The following DSG4 variants were observed in gnomAD, a reference collection of about 807,000 sequenced individuals.
DSG4 encodes desmoglein-4.
In DSG4, 87 loss-of-function variants were observed where a neutral mutation model predicts 93.1. The ratio of observed to expected loss-of-function variants is 0.93; its 90% CI spans 0.79 to 1.12. The LOEUF is 1.12. Ranked by LOEUF, DSG4 falls within the 50% of genes most tolerant of loss-of-function variation. The pLI, the probability that DSG4 is intolerant of heterozygous loss-of-function variation, is 0.00. For synonymous variants in DSG4, 432 were observed against 452.9 expected, an observed-to-expected ratio of 0.95 and a Z score of 0.59; for missense variants, 1,373 against 1,285.7, an observed-to-expected ratio of 1.07 and a Z score of -1.04.
chr18:31,396,238 A>G (rs1376927985), intron 8 of DSG4, among the ~76,000 whole-genome samples: 2 of 152,110 alleles, frequency 1.3e-5, no homozygotes, highest in Non-Finnish European at 2.9e-5. Flanking sequence ...TAATAATTCT[A>G]ACATTTATTA....
intron 12 of DSG4, among the ~76,000 whole-genome samples, chr18:31,406,638 C>G (rs775570938): frequency 6.6e-6 from 1 of 152,116 alleles, no homozygotes; most frequent in Non-Finnish European, 1.5e-5. Flanking sequence ...CAAAACAAAT[C>G]CCATCATGGA....
intron 8 of DSG4, among the ~76,000 whole-genome samples, chr18:31,395,783 T>A (rs2072298807): frequency 6.6e-6 from 1 of 152,100 alleles, no homozygotes. Flanking sequence ...GGAGGGTCAC[T>A]TGAGTCCAGG....
intron 14 of DSG4, among the ~76,000 whole-genome samples, chr18:31,410,495 AATT>A (rs2072475246): frequency 6.9e-6 from 1 of 145,194 alleles, no homozygotes; most frequent in Non-Finnish European, 1.5e-5. Context: ...GCACTGTAGT[AATT>A]ATTTATAATA....
Position 31,379,714 on chromosome 18 carries a change from T to C in DSG4, c.48+2755T>C, listed in dbSNP as rs2144155891. Among the ~76,000 whole-genome samples the C allele has an allele frequency of 2.0e-5, 3 of 152,338 alleles. 1 individual carries two copies. In the South Asian group the frequency reaches 6.2e-4, roughly 32 times the overall value. On this transcript the variant is annotated intron_variant, in intron 1 of 15. Coordinates refer to ENST00000308128, the MANE Select transcript of DSG4 (RefSeq NM_177986.5). Reference sequence around the variant, plus strand: ...CAAGTTGAGAGCAGGCATCAAAATTTGAAAACATATTTAAAATTAACTTAG... The same window carrying C: ...CAAGTTGAGAGCAGGCATCAAAATTCGAAAACATATTTAAAATTAACTTAG...
At chr18:31,391,034 C>T (rs942627323) in intron 6 of DSG4, 44 bp from the exon 7 acceptor site, 5 of 1,611,114 alleles carry the variant, frequency 3.1e-6, no homozygotes, top group Middle Eastern at 1.6e-4. Flanking sequence ...GGATTCTATT[C>T]AAGACAAAAC....
At chr18:31,409,694 A>T (rs1433159963) in intron 13 of DSG4, 51 bp from the exon 14 acceptor site, 2 of 1,614,024 alleles carry the variant, frequency 1.2e-6, no homozygotes, top group African/African-American at 2.7e-5. Flanking sequence ...GTCAGTTTTT[A>T]AATGTTTAAC....
chr18:31,392,175 G>T lies in DSG4; in HGVS notation c.840G>T (p.Glu280Asp). 1 of 1,613,650 alleles carries T rather than the reference G, an allele frequency of 6.2e-7. No homozygotes were observed. Among genetic ancestry groups the T allele is most frequent in the African/African-American group, 1.3e-5 (1 of 75,000 alleles). ...EKTSYSASIE[E>D]NCLSSELIRL... ...TTTAGTACTCAGCCAGTATTGAAGAGAATTGTTTAAGTTCGGAACTGATAC... is the reference window on the plus strand; with the variant it reads ...TTTAGTACTCAGCCAGTATTGAAGATAATTGTTTAAGTTCGGAACTGATAC... The change falls in exon 8 of 16, where the codon GAG becomes GAT. Residue 280 changes from glutamate (E) to aspartate (D), a missense_variant. Glu to Asp is a conservative substitution (Grantham distance 45, BLOSUM62 2). Transcript: ENST00000308128.
At chr18:31,387,322 G>A (rs1422902416) in intron 3 of DSG4, among the ~76,000 whole-genome samples, 1 of 152,118 alleles carries the variant, frequency 6.6e-6, no homozygotes, top group African/African-American at 2.4e-5. Context: ...AATTGATCCA[G>A]GAAGGATGGG....
Position 31,413,657 on chromosome 18 carries a change from C to T in DSG4, c.*62C>T. On this transcript the variant is annotated 3_prime_UTR_variant, in exon 16 of 16. Transcript: ENST00000308128. ...ACCTTGTAATCATCAATACATCCAC[C>T]AAAAATATATAATGTACCATATATA... 6.4e-7 allele frequency: 1 copy of T among 1,559,702 alleles called. No individual in the cohort carries two copies. Among genetic ancestry groups the T allele is most frequent in the Non-Finnish European group, 8.8e-7 (1 of 1,141,508 alleles).
At chr18:31,378,085 G>A (rs1003475924) in intron 1 of DSG4, among the ~76,000 whole-genome samples, 12 of 152,270 alleles carry the variant, frequency 7.9e-5, no homozygotes, top group Admixed American at 7.9e-4. Context: ...CTGCCAAAGG[G>A]CACACAACCC....
intron 11 of DSG4, 51 bp from the exon 12 acceptor site, chr18:31,406,026 A>T (rs1037813544): frequency 1.2e-6 from 2 of 1,609,556 alleles, no homozygotes; most frequent in African/African-American, 1.3e-5. Flanking sequence ...CCACCCCCCT[A>T]GCCCACCAAG....
At chr18:31,381,934 G>C (rs1043352484) in intron 1 of DSG4, among the ~76,000 whole-genome samples, 4 of 150,914 alleles carry the variant, frequency 2.7e-5, no homozygotes, top group Non-Finnish European at 5.9e-5. Context: ...CTCCCAAAGT[G>C]CTGGGATTAC....
chr18:31,393,815 G>A (rs1285418120), intron 8 of DSG4, among the ~76,000 whole-genome samples: 1 of 152,084 alleles, frequency 6.6e-6, no homozygotes, highest in Non-Finnish European at 1.5e-5. Context: ...AGCAATTTTA[G>A]TATTACTACT....
At chr18:31,380,556 T>C in intron 1 of DSG4, among the ~76,000 whole-genome samples, 1 of 152,214 alleles carries the variant, frequency 6.6e-6, no homozygotes, top group Non-Finnish European at 1.5e-5. Context: ...GAAAATTACA[T>C]GGCTTACAAA....
chr18:31,406,117 A>G lies in DSG4; in HGVS notation c.1677A>G (p.Pro559=). The part of the protein sequence containing the change: ...AILTAKQVLS[P]GFYEIPILVK... ...TTACGGCTAAGCAGGTTTTATCTCC[A>G]GGATTTTATGAAATCCCAATCCTGG... is the stretch of plus-strand genomic sequence containing the variant. The change falls in exon 12 of 16, where the codon CCA becomes CCG. Residue 559 remains proline, a synonymous_variant. Coordinates refer to ENST00000308128, the MANE Select transcript of DSG4 (RefSeq NM_177986.5). 6.2e-7 allele frequency: 1 copy of G among 1,614,162 alleles called. No individual in the cohort carries two copies.
rs761410599 is a variant in DSG4, at chr18:31,409,798, G to A, written c.2127G>A (p.Met709Ile). 4 of 1,613,986 alleles carry A rather than the reference G, an allele frequency of 2.5e-6. No individual in the cohort carries two copies. Among genetic ancestry groups the A allele is most frequent in the Non-Finnish European group, 3.4e-6 (4 of 1,180,038 alleles). The change falls in exon 14 of 16, where the codon ATG becomes ATA. Residue 709 changes from methionine to isoleucine, a missense_variant. Transcript: ENST00000308128. ...CAGCCTCAAATACCCAGGATCGGATGGATTCCTCTGGTCAGTAGACACCAA... is the reference window on the plus strand; with the variant it reads ...CAGCCTCAAATACCCAGGATCGGATAGATTCCTCTGGTCAGTAGACACCAA... ...PMTASNTQDR[M>I]DSSEIYTNTY... is the part of the protein sequence containing the mutation.
intron 8 of DSG4, 88 bp from the exon 9 acceptor site, chr18:31,399,184 A>G: frequency 6.5e-7 from 1 of 1,540,424 alleles, no homozygotes. Context: ...ACCTTATTCT[A>G]GTGTGTGGTT....
chr18:31,401,827 C>T (rs1232713244), intron 10 of DSG4, among the ~76,000 whole-genome samples: 1 of 152,124 alleles, frequency 6.6e-6, no homozygotes, highest in African/African-American at 2.4e-5. Flanking sequence ...TTATAGCTGA[C>T]CTTTCCAGTA....
chr18:31,402,880 G>T (rs2072383686), intron 10 of DSG4, among the ~76,000 whole-genome samples: 1 of 152,122 alleles, frequency 6.6e-6, no homozygotes, highest in African/African-American at 2.4e-5. Flanking sequence ...TTTCAGAAAT[G>T]CCATTTCAGA....
Sources: gnomAD v4.1 joint callset for allele counts (sites outside exome capture counted in the v4.1 genomes callset) on GRCh38, gnomAD v4.1.1 for gene constraint, MANE v1.5 for transcripts, NCBI Gene and HGNC (gene_info 2026-07-23, HGNC 2026-07-21) for gene names.